CCNE2: variants seen among roughly 807,000 people sequenced by gnomAD.
The protein encoded by CCNE2 is cyclin E2.
CCNE2 carries 18 observed loss-of-function variants against 56.8 expected under a neutral mutation model. The ratio of observed to expected loss-of-function variants is 0.32; its 90% CI spans 0.22 to 0.47. The LOEUF is 0.47. Among genes scored for constraint, CCNE2 ranks in the 20% least tolerant of loss-of-function variants. The pLI is 1.00. For synonymous variants in CCNE2, 139 were observed against 149.2 expected (o/e 0.93, Z 0.50); for missense variants, 371 against 467.1 (o/e 0.79, Z 1.90).
chr8:94,894,088 G>T lies in CCNE2; in HGVS notation c.46C>A (p.Pro16Thr). 1 of 1,613,708 alleles carries T rather than the reference G, an allele frequency of 6.2e-7. No individual in the cohort carries two copies. Among genetic ancestry groups the T allele is most frequent in the Non-Finnish European group, 8.5e-7 (1 of 1,179,738 alleles). The change falls in exon 3 of 12, where the codon CCC (proline) becomes ACC (threonine). Residue 16 changes from proline to threonine, a missense_variant. Physicochemically the swap from Pro to Thr is conservative, Grantham distance 38. Transcript: ENST00000308108. ...TCTTGGGGGGATTCCGTCTGGCTGGGCTGGGGCTGCTGCTTAGCTTGTAAA... is the reference window on the plus strand; with the variant it reads ...TCTTGGGGGGATTCCGTCTGGCTGGTCTGGGGCTGCTGCTTAGCTTGTAAA... ...SRLQAKQQPQPSQTESPQEAQ... is the reference protein window; with the variant it reads ...SRLQAKQQPQTSQTESPQEAQ...
In CCNE2 at chr8:94,880,704, G is replaced by A. The variant is rs982908354; in HGVS notation, c.*928C>T. On this transcript the variant is annotated 3_prime_UTR_variant, in exon 12 of 12. Coordinates refer to ENST00000308108, the MANE Select transcript of CCNE2 (RefSeq NM_057749.3). The stretch of plus-strand genomic sequence containing the variant: ...ACACTGTCCTTATCTCACAATGGAG[G>A]AATTTAGAAAGGACCTTAACAGTTT... 1.3e-5 allele frequency: 5 copies of A among 395,050 alleles called. No individual in the cohort carries two copies. Among genetic ancestry groups the A allele is most frequent in the Non-Finnish European group, 2.2e-5 (5 of 224,382 alleles). 24.5% of individuals were successfully genotyped at this position (395,050 alleles called of 1,614,324 possible).
intron 6 of CCNE2, among the ~76,000 whole-genome samples, chr8:94,889,702 A>T (rs192930499): frequency 6.6e-6 from 1 of 152,342 alleles, no homozygotes; most frequent in East Asian, 1.9e-4. Context: ...TCTTAAAGAC[A>T]GACTACAGAG....
chr8:94,881,857 T>C, intron 11 of CCNE2, 112 bp from the exon 12 acceptor site: 2 of 1,320,114 alleles, frequency 1.5e-6, no homozygotes, highest in Non-Finnish European at 2.1e-6. Context: ...TTTATGTCTT[T>C]GCAAGTGTGA....
At position 94,881,409 on chromosome 8, in the gene CCNE2, C is replaced by T; in HGVS notation, c.*223G>A. The T allele has an allele frequency of 1.9e-6, 1 of 534,768 alleles. No homozygotes were observed. 33.1% of individuals were successfully genotyped at this position (534,768 alleles called of 1,614,324 possible). ...CCAGTAACCTTGGGAATGAAGACAT[C>T]TTTGTAAACAAGTCCTGCTGTTTCT... On this transcript the variant is annotated 3_prime_UTR_variant, in exon 12 of 12. Coordinates refer to ENST00000308108, the MANE Select transcript of CCNE2 (RefSeq NM_057749.3).
Position 94,893,896 on chromosome 8 carries a change from T to C in CCNE2, c.160A>G (p.Ile54Val). ...CCAGCCCAGTTCTGCATTACCCTAA[T>C]TTCATACTGATGTTTCTTGGTGACC... ...EEVTKKHQYE[I>V]RNCWPPVLSG... Residue 54 changes from isoleucine (I) to valine (V), a missense_variant, in exon 4 of 12, where the codon ATT becomes GTT. Physicochemically the swap from Ile to Val is conservative, Grantham distance 29. Transcript: ENST00000308108. The C allele has an allele frequency of 6.4e-7, 1 of 1,566,940 alleles. No individual in the cohort carries two copies. The highest frequency in any genetic ancestry group is 8.8e-7 in the Non-Finnish European group (1 of 1,138,046).
At chr8:94,893,745 G>C in intron 4 of CCNE2, 146 bp downstream of exon 4, 1 of 788,718 alleles carries the variant, frequency 1.3e-6, no homozygotes, top group East Asian at 2.5e-5. Flanking sequence ...ACCACCCAAA[G>C]ATAGGCGCCT....
intron 6 of CCNE2, among the ~76,000 whole-genome samples, chr8:94,889,905 C>T (rs938852951): frequency 7.9e-5 from 12 of 152,084 alleles, no homozygotes; most frequent in African/African-American, 2.4e-4. Flanking sequence ...TGGTATATTT[C>T]GGAAAAGAAT....
chr8:94,890,361 TA>T, intron 6 of CCNE2, 53 bp downstream of exon 6: 2 of 1,434,936 alleles, frequency 1.4e-6, no homozygotes, highest in Admixed American at 2.3e-5. Context: ...CATTTACAGC[TA>T]AATATGTTTC....
At chr8:94,883,900 G>A in intron 9 of CCNE2, 2 of 456,160 alleles carry the variant, frequency 4.4e-6, no homozygotes, top group Non-Finnish European at 8.8e-6. Flanking sequence ...TGGTCCAGAA[G>A]GTAGGAGAAA....
In CCNE2 at chr8:94,885,054, A is replaced by C; in HGVS notation, c.831+13T>G. The C allele has an allele frequency of 6.2e-7, 1 of 1,610,092 alleles. No individual in the cohort carries two copies. Among genetic ancestry groups the C allele is most frequent in the South Asian group, 1.1e-5 (1 of 90,834 alleles). On this transcript the variant is annotated intron_variant, in intron 9 of 11. Transcript: ENST00000308108. ...TAATAACATTACCATTGAATCAATA[A>C]AAATGTCAGTACCTGAGCTATTTGA...
rs1169574487 is a variant in CCNE2 at position 94,894,024 on chromosome 8, T to C, written c.110A>G (p.Gln37Arg). 1 of 1,613,900 alleles carries C rather than the reference T, an allele frequency of 6.2e-7. No homozygotes were observed. The highest frequency in any genetic ancestry group is 8.5e-7 in the Non-Finnish European group (1 of 1,179,936). Residue 37 changes from glutamine to arginine, a missense_variant and splice_region_variant, in exon 3 of 12, where the codon CAG (glutamine) becomes CGG (arginine). By Grantham distance (43) the Gln-to-Arg change is conservative. Coordinates refer to ENST00000308108, the MANE Select transcript of CCNE2 (RefSeq NM_057749.3). ...CCTCCCTCTTTCTCCTTAAATCACC[T>C]GGGTAGTTTTCCTCTTCTTGGCCTG... ...IIQAKKRKTT[Q>R]DVKKRREEVT...
Position 94,893,891 on chromosome 8 carries a change from C to A in CCNE2, c.165G>T (p.Arg55Ser). 6.2e-7 allele frequency: 1 copy of A among 1,613,756 alleles called. No individual in the cohort carries two copies. Among genetic ancestry groups the A allele is most frequent in the Non-Finnish European group, 8.5e-7 (1 of 1,179,660 alleles). Residue 55 changes from arginine to serine, a missense_variant and splice_region_variant, in exon 4 of 12, where the codon AGG (arginine) becomes AGT (serine). By Grantham distance (110) the Arg-to-Ser change is moderately radical. Transcript: ENST00000308108. ...EVTKKHQYEI[R>S]NCWPPVLSGG... is the part of the protein sequence containing the mutation. ...CCCACCCAGCCCAGTTCTGCATTAC[C>A]CTAATTTCATACTGATGTTTCTTGG...
chr8:94,885,835 C>T (rs1164689308), intron 7 of CCNE2, among the ~76,000 whole-genome samples: 2 of 149,240 alleles, frequency 1.3e-5, no homozygotes, highest in African/African-American at 2.5e-5. Flanking sequence ...TCTTGGGTCT[C>T]AGCCTCCCCA....
At chr8:94,894,390 T>C (rs1050755984) in intron 1 of CCNE2, 143 bp from the exon 2 acceptor site, 4 of 711,536 alleles carry the variant, frequency 5.6e-6, no homozygotes, top group African/African-American at 5.3e-5. Context: ...TTCTGTGCTA[T>C]GTTAGCTAGC....
intron 4 of CCNE2, 129 bp from the exon 5 acceptor site, chr8:94,893,098 G>A (rs1817304373): frequency 4.6e-6 from 3 of 656,580 alleles, no homozygotes; most frequent in Non-Finnish European, 4.9e-6. Flanking sequence ...TGGCAATATA[G>A]CTAATTTGAC....
upstream of CCNE2, among the ~76,000 whole-genome samples, chr8:94,895,451 G>T (rs1817467658): frequency 6.6e-6 from 1 of 152,122 alleles, no homozygotes; most frequent in South Asian, 2.1e-4. Context: ...ACTCTCAGGG[G>T]CTCCTTCTCC....
At chr8:94,891,381 C>T (rs1237677201) in intron 5 of CCNE2, 5 of 248,884 alleles carry the variant, frequency 2.0e-5, no homozygotes, top group East Asian at 1.0e-4. Flanking sequence ...ACAAAGTGGC[C>T]GGCACAGTGG....
At chr8:94,894,375 C>T in intron 1 of CCNE2, 128 bp from the exon 2 acceptor site, 1 of 810,090 alleles carries the variant, frequency 1.2e-6, no homozygotes, top group Non-Finnish European at 2.0e-6. Flanking sequence ...TGTGACCCTG[C>T]CATCTTCTGT....
intron 5 of CCNE2, among the ~76,000 whole-genome samples, chr8:94,890,914 T>G (rs1243012452): frequency 6.6e-6 from 1 of 152,140 alleles, no homozygotes; most frequent in African/African-American, 2.4e-5. Flanking sequence ...ATTTAAATTG[T>G]GCAATCCATG....
Sources: gnomAD v4.1 joint callset for allele counts (sites outside exome capture counted in the v4.1 genomes callset) on GRCh38, gnomAD v4.1.1 for gene constraint, MANE v1.5 for transcripts, NCBI Gene and HGNC (gene_info 2026-07-23, HGNC 2026-07-21) for gene names.